The following HMX2 variants were observed in gnomAD, a reference collection of about 807,000 sequenced individuals.
HMX2 encodes H6 family homeobox 2.
Under a neutral mutation model 21.2 loss-of-function variants are expected in HMX2, and 15 were observed. That is an observed-to-expected ratio of 0.71 (90% CI 0.47 to 1.09). The LOEUF is 1.09. Ranked by LOEUF, HMX2 falls within the 50% of genes least tolerant of loss-of-function variation. HMX2 has a pLI of 0.00. For synonymous variants in HMX2, 193 were observed against 181.0 expected, an observed-to-expected ratio of 1.07 and a Z score of -0.53; for missense variants, 440 against 381.5, an observed-to-expected ratio of 1.15 and a Z score of -1.28.
Position 123,148,191 on chromosome 10 carries a change from G to T in HMX2, c.-188G>T. On this transcript the variant is annotated 5_prime_UTR_variant, in exon 1 of 2. Coordinates refer to ENST00000339992, the MANE Select transcript of HMX2 (RefSeq NM_005519.2). ...CAGAGCCAGGCGGGCAGGAACCCCT[G>T]CGCAGCCATCCGGTGCCTGCATGTC... 1.6e-6 allele frequency: 1 copy of T among 622,764 alleles called. No individual in the cohort carries two copies. Among genetic ancestry groups the T allele is most frequent in the South Asian group, 2.0e-5 (1 of 48,814 alleles). The allele number at this position is 622,764 out of a possible 1,614,324, so 38.6% of individuals were successfully genotyped here.
Position 123,148,330 on chromosome 10 carries a change from C to A in HMX2, c.-49C>A. On this transcript the variant is annotated 5_prime_UTR_variant, in exon 1 of 2. Transcript: ENST00000339992. ...CACCTTCCACCCAGATCACCCAGAT[C>A]GTCTCTAAAGGGAGTTCTTGGTTTC... The A allele has an allele frequency of 1.3e-6, 2 of 1,584,972 alleles. No individual in the cohort carries two copies. The highest frequency in any genetic ancestry group is 2.3e-5 in the East Asian group (1 of 43,354).
Position 123,149,494 on chromosome 10 carries a change from G to T in HMX2, c.269-76G>T. 1 of 1,274,370 alleles carries T rather than the reference G, an allele frequency of 7.8e-7. No homozygotes were observed. The highest frequency in any genetic ancestry group is 2.3e-5 in the South Asian group (1 of 43,732). The allele number at this position is 1,274,370 out of a possible 1,614,324, so 78.9% of individuals were successfully genotyped here. A position where few individuals can be genotyped will look rare whatever the true frequency, so the allele number is the denominator to read the frequency against. On this transcript the variant is annotated intron_variant, in intron 1 of 1. Coordinates refer to ENST00000339992, the MANE Select transcript of HMX2 (RefSeq NM_005519.2). The surrounding 1 kb of genome is among the most constrained non-coding windows in gnomAD (Gnocchi z 5.4). ...GGCTGCAGGCGCTTGCCAACCGCTTGGTCCCAGGGAGAGCTGGCGGTCTCC... is the reference window on the plus strand; with the variant it reads ...GGCTGCAGGCGCTTGCCAACCGCTTTGTCCCAGGGAGAGCTGGCGGTCTCC...
At position 123,149,959 on chromosome 10, in the gene HMX2, G is replaced by C. The variant is rs771270348; in HGVS notation, c.658G>C (p.Ala220Pro). Residue 220 changes from alanine (A) to proline (P), a missense_variant, in exon 2 of 2, where the codon GCG becomes CCG. Transcript: ENST00000339992. This position sits in a 1 kb window ranked among gnomAD's most constrained non-coding sequence, Gnocchi z 5.4. The part of the protein sequence containing the change: ...AELEAANMAH[A>P]SAQTLVSMPL... ...GCTGGAGGCGGCCAACATGGCGCAC[G>C]CGTCGGCGCAGACTCTGGTGAGCAT... The C allele has an allele frequency of 5.0e-6, 8 of 1,611,882 alleles. No homozygotes were observed. Among genetic ancestry groups the C allele is most frequent in the Non-Finnish European group, 6.8e-6 (8 of 1,179,550 alleles).
At position 123,149,545 on chromosome 10, in the gene HMX2, C is replaced by T. The variant is rs191622013; in HGVS notation, c.269-25C>T. The T allele has an allele frequency of 5.7e-4, 811 of 1,423,676 alleles. 5 individuals carry two copies. In the African/African-American group the frequency reaches 0.011, roughly 20 times the overall value. The allele number at this position is 1,423,676 out of a possible 1,614,324, so 88.2% of individuals were successfully genotyped here. The stretch of plus-strand genomic sequence containing the variant: ...GAGGCTCCCCAACCAACTCCATGGC[C>T]TTTCTGTCTGTTCTCGCTCCTCAGG... On this transcript the variant is annotated intron_variant, in intron 1 of 1. Transcript: ENST00000339992. This position sits in a 1 kb window ranked among gnomAD's most constrained non-coding sequence, Gnocchi z 5.4.
In HMX2 at chr10:123,149,766, C is replaced by T. The variant is rs1047663234; in HGVS notation, c.465C>T (p.Val155=). 18 of 1,594,064 alleles carry T rather than the reference C, an allele frequency of 1.1e-5. No homozygotes were observed. Among genetic ancestry groups the T allele is most frequent in the Non-Finnish European group, 1.5e-5 (18 of 1,170,244 alleles). Residue 155 remains valine, a synonymous_variant, in exon 2 of 2, where the codon GTC becomes GTT. Coordinates refer to ENST00000339992, the MANE Select transcript of HMX2 (RefSeq NM_005519.2). The surrounding 1 kb of genome is among the most constrained non-coding windows in gnomAD (Gnocchi z 5.4). ...AGAAKKKTRT[V]FSRSQVYQLE... is the part of the protein sequence containing the mutation. ...CGGCCAAGAAGAAGACGCGCACCGT[C>T]TTTTCGCGCAGCCAGGTGTACCAGC... is the stretch of plus-strand genomic sequence containing the variant.
At chr10:123,148,780 A>G in intron 1 of HMX2, 134 bp downstream of exon 1, 1 of 1,141,862 alleles carries the variant, frequency 8.8e-7, no homozygotes, top group Non-Finnish European at 1.2e-6. Context: ...CCGCGGGGAG[A>G]GGGGCGCGCA....
chr10:123,149,641 T>C lies in HMX2; in HGVS notation c.340T>C (p.Ser114Pro). The C allele has an allele frequency of 6.5e-7, 1 of 1,533,090 alleles. No individual in the cohort carries two copies. The highest frequency in any genetic ancestry group is 8.7e-7 in the Non-Finnish European group (1 of 1,147,570). 95.0% of individuals were successfully genotyped at this position (1,533,090 alleles called of 1,614,324 possible). Residue 114 changes from serine to proline, a missense_variant, in exon 2 of 2, where the codon TCG becomes CCG. Coordinates refer to ENST00000339992, the MANE Select transcript of HMX2 (RefSeq NM_005519.2). This position sits in a 1 kb window ranked among gnomAD's most constrained non-coding sequence, Gnocchi z 5.4. Reference protein sequence around the residue: ...ERTPFLSPSHSDFKEEKERLL... With the variant: ...ERTPFLSPSHPDFKEEKERLL... ...CACGCCTTTCCTCTCTCCTTCGCAC[T>C]CGGACTTTAAAGAAGAGAAAGAGAG...
chr10:123,150,119 A>G lies in HMX2; in HGVS notation c.818A>G (p.Tyr273Cys). Residue 273 changes from tyrosine to cysteine, a missense_variant, in exon 2 of 2, where the codon TAC becomes TGC. Tyr to Cys is a radical substitution (Grantham distance 194). Transcript: ENST00000339992. The surrounding 1 kb of genome is among the most constrained non-coding windows in gnomAD (Gnocchi z 4.2). ...TACAACCTATACAACAAGCTCGACT[A>G]CTGACCGGCCCGCCGCCCCGCGCCG... ...PLYNLYNKLD[Y>C] is the part of the protein sequence containing the mutation. 2 of 1,542,110 alleles carry G rather than the reference A, an allele frequency of 1.3e-6. No individual in the cohort carries two copies. Among genetic ancestry groups the G allele is most frequent in the Non-Finnish European group, 1.7e-6 (2 of 1,146,126 alleles).
Position 123,149,503 on chromosome 10 carries a change from G to C in HMX2, c.269-67G>C. The C allele has an allele frequency of 7.5e-7, 1 of 1,336,318 alleles. No individual in the cohort carries two copies. The allele number at this position is 1,336,318 out of a possible 1,614,324, so 82.8% of individuals were successfully genotyped here. ...CGCTTGCCAACCGCTTGGTCCCAGG[G>C]AGAGCTGGCGGTCTCCGAGGCTCCC... On this transcript the variant is annotated intron_variant, in intron 1 of 1. Coordinates refer to ENST00000339992, the MANE Select transcript of HMX2 (RefSeq NM_005519.2). This position sits in a 1 kb window ranked among gnomAD's most constrained non-coding sequence, Gnocchi z 5.4.
chr10:123,148,409 T>C lies in HMX2; in HGVS notation c.31T>C (p.Cys11Arg), dbSNP rs570739648. 2 of 1,613,014 alleles carry C rather than the reference T, an allele frequency of 1.2e-6. No individual in the cohort carries two copies. The highest frequency in any genetic ancestry group is 1.3e-5 in the African/African-American group (1 of 74,900). Reference sequence around the variant, plus strand: ...CAGCAAAGAAGATGCGGGCAAGGGGTGTCCGGCGGCCGGTGGCGTCTCCAG... The same window carrying C: ...CAGCAAAGAAGATGCGGGCAAGGGGCGTCCGGCGGCCGGTGGCGTCTCCAG... Reference protein sequence around the residue: MGSKEDAGKGCPAAGGVSSFT... With the variant: MGSKEDAGKGRPAAGGVSSFT... Residue 11 changes from cysteine to arginine, a missense_variant, in exon 1 of 2, where the codon TGT becomes CGT. Coordinates refer to ENST00000339992, the MANE Select transcript of HMX2 (RefSeq NM_005519.2).
Position 123,149,923 on chromosome 10 carries a change from C to T in HMX2, c.622C>T (p.Leu208Phe), listed in dbSNP as rs1299700543. Reference sequence around the variant, plus strand: ...CCGCCGCAACAAGTGGAAGCGGCAGCTCTCGGCTGAGCTGGAGGCGGCCAA... The same window carrying T: ...CCGCCGCAACAAGTGGAAGCGGCAGTTCTCGGCTGAGCTGGAGGCGGCCAA... ...QNRRNKWKRQLSAELEAANMA... is the reference protein window; with the variant it reads ...QNRRNKWKRQFSAELEAANMA... The change falls in exon 2 of 2, where the codon CTC (leucine) becomes TTC (phenylalanine). Residue 208 changes from leucine to phenylalanine, a missense_variant. Coordinates refer to ENST00000339992, the MANE Select transcript of HMX2 (RefSeq NM_005519.2). This position sits in a 1 kb window ranked among gnomAD's most constrained non-coding sequence, Gnocchi z 5.4. 4.3e-6 allele frequency: 7 copies of T among 1,612,412 alleles called. No homozygotes were observed. Among genetic ancestry groups the T allele is most frequent in the Non-Finnish European group, 5.9e-6 (7 of 1,179,790 alleles).
rs1844222067 is a variant in HMX2 at position 123,148,348 on chromosome 10, T to C, written c.-31T>C. 1 of 1,611,988 alleles carries C rather than the reference T, an allele frequency of 6.2e-7. No homozygotes were observed. Among genetic ancestry groups the C allele is most frequent in the Non-Finnish European group, 8.5e-7 (1 of 1,179,022 alleles). ...CCCAGATCGTCTCTAAAGGGAGTTC[T>C]TGGTTTCCTTCGATTTCTTATGAAC... is the stretch of plus-strand genomic sequence containing the variant. On this transcript the variant is annotated 5_prime_UTR_variant, in exon 1 of 2. Coordinates refer to ENST00000339992, the MANE Select transcript of HMX2 (RefSeq NM_005519.2).
In HMX2 at chr10:123,150,402, G is replaced by A. The variant is rs1844259435; in HGVS notation, c.*279G>A. The A allele has an allele frequency of 6.5e-6, 2 of 306,016 alleles. No individual in the cohort carries two copies. The highest frequency in any genetic ancestry group is 9.4e-5 in the South Asian group (1 of 10,584). The allele number at this position is 306,016 out of a possible 1,614,324, so 19.0% of individuals were successfully genotyped here. ...GTGAGATGTTCTCGGGTGGTGGTGGGAAAGGGAGTTTTGGCCAGACAGGCT... is the reference window on the plus strand; with the variant it reads ...GTGAGATGTTCTCGGGTGGTGGTGGAAAAGGGAGTTTTGGCCAGACAGGCT... On this transcript the variant is annotated 3_prime_UTR_variant, in exon 2 of 2. Coordinates refer to ENST00000339992, the MANE Select transcript of HMX2 (RefSeq NM_005519.2). The surrounding 1 kb of genome is among the most constrained non-coding windows in gnomAD (Gnocchi z 4.2).
Position 123,149,781 on chromosome 10 carries a change from G to A in HMX2, c.480G>A (p.Gln160=), listed in dbSNP as rs1844249295. 1 of 1,606,132 alleles carries A rather than the reference G, an allele frequency of 6.2e-7. No homozygotes were observed. Among genetic ancestry groups the A allele is most frequent in the African/African-American group, 1.3e-5 (1 of 74,366 alleles). ...CGCGCACCGTCTTTTCGCGCAGCCA[G>A]GTGTACCAGCTCGAGTCCACCTTCG... ...KKTRTVFSRS[Q]VYQLESTFDM... is the part of the protein sequence containing the mutation. Residue 160 remains glutamine, a synonymous_variant, in exon 2 of 2, where the codon CAG becomes CAA. Coordinates refer to ENST00000339992, the MANE Select transcript of HMX2 (RefSeq NM_005519.2). This position sits in a 1 kb window ranked among gnomAD's most constrained non-coding sequence, Gnocchi z 5.4.
chr10:123,149,020 ATCTCTT>A lies in HMX2; in HGVS notation c.268+378_268+383del. Among the ~76,000 whole-genome samples, 2 of 152,152 alleles carry A rather than the reference ATCTCTT, an allele frequency of 1.3e-5. No individual in the cohort carries two copies. The highest frequency in any genetic ancestry group is 6.8e-3 in the Middle Eastern group (2 of 292). On this transcript the variant is annotated intron_variant, in intron 1 of 1. Coordinates refer to ENST00000339992, the MANE Select transcript of HMX2 (RefSeq NM_005519.2). This position sits in a 1 kb window ranked among gnomAD's most constrained non-coding sequence, Gnocchi z 5.4. Reference sequence around the variant, plus strand: ...GTCTGGGCAGTCTGTCTCCACCGTAATCTCTTTCTGAGTCTTCTTCCTCACTCGCTC... The same window carrying A: ...GTCTGGGCAGTCTGTCTCCACCGTAATCTGAGTCTTCTTCCTCACTCGCTC...
rs552605468 is a variant in HMX2 at position 123,149,315 on chromosome 10, CCT to C, written c.269-254_269-253del. Among the ~76,000 whole-genome samples, 77 of 152,336 alleles carry C rather than the reference CCT, an allele frequency of 5.1e-4. No homozygotes were observed. Among genetic ancestry groups the C allele is most frequent in the Non-Finnish European group, 9.1e-4 (62 of 68,032 alleles). On this transcript the variant is annotated intron_variant, in intron 1 of 1. Coordinates refer to ENST00000339992, the MANE Select transcript of HMX2 (RefSeq NM_005519.2). The surrounding 1 kb of genome is among the most constrained non-coding windows in gnomAD (Gnocchi z 5.4). ...TGTTTCCCCCTCCAGACCTCCTCTC[CCT>C]GTTGCCCCTGGCCCATTCATAAAGG...
chr10:123,148,359 C>G lies in HMX2; in HGVS notation c.-20C>G. On this transcript the variant is annotated 5_prime_UTR_variant, in exon 1 of 2. Transcript: ENST00000339992. ...TCTAAAGGGAGTTCTTGGTTTCCTTCGATTTCTTATGAACCCAGGATGGGC... is the reference window on the plus strand; with the variant it reads ...TCTAAAGGGAGTTCTTGGTTTCCTTGGATTTCTTATGAACCCAGGATGGGC... 3 of 1,611,668 alleles carry G rather than the reference C, an allele frequency of 1.9e-6. No individual in the cohort carries two copies. The highest frequency in any genetic ancestry group is 2.5e-6 in the Non-Finnish European group (3 of 1,178,952).
rs1449282040 is a variant in HMX2, at chr10:123,150,145, C to T, written c.*22C>T. On this transcript the variant is annotated 3_prime_UTR_variant, in exon 2 of 2. Coordinates refer to ENST00000339992, the MANE Select transcript of HMX2 (RefSeq NM_005519.2). The surrounding 1 kb of genome is among the most constrained non-coding windows in gnomAD (Gnocchi z 4.2). ...CTGACCGGCCCGCCGCCCCGCGCCG[C>T]CCCCAGCTGCCCGCAGAGCCGGGCG... 3 of 1,500,732 alleles carry T rather than the reference C, an allele frequency of 2.0e-6. No individual in the cohort carries two copies. Among genetic ancestry groups the T allele is most frequent in the South Asian group, 2.5e-5 (2 of 78,866 alleles). 93.0% of individuals were successfully genotyped at this position (1,500,732 alleles called of 1,614,324 possible).
rs1844246710 is a variant in HMX2 at position 123,149,674 on chromosome 10, C to T, written c.373C>T (p.Pro125Ser). Residue 125 changes from proline (P) to serine (S), a missense_variant, in exon 2 of 2, where the codon CCC becomes TCC. Coordinates refer to ENST00000339992, the MANE Select transcript of HMX2 (RefSeq NM_005519.2). The surrounding 1 kb of genome is among the most constrained non-coding windows in gnomAD (Gnocchi z 5.4). ...DFKEEKERLLPAGSPSPGSER... is the reference protein window; with the variant it reads ...DFKEEKERLLSAGSPSPGSER... ...TAAAGAAGAGAAAGAGAGGCTCCTG[C>T]CCGCGGGCTCGCCCTCGCCGGGGTC... 6.4e-7 allele frequency: 1 copy of T among 1,562,932 alleles called. No individual in the cohort carries two copies. Among genetic ancestry groups the T allele is most frequent in the Non-Finnish European group, 8.6e-7 (1 of 1,160,318 alleles).
Sources: allele counts gnomAD v4.1 joint callset (sites outside exome capture counted in the v4.1 genomes callset), GRCh38; gene constraint gnomAD v4.1.1; non-coding constraint Gnocchi (gnomAD v3.1); transcripts MANE v1.5; gene names NCBI Gene and HGNC (gene_info 2026-07-23, HGNC 2026-07-21).